The following PDE8A variants were observed in gnomAD, a reference collection of about 807,000 sequenced individuals.
PDE8A encodes phosphodiesterase 8A, also known as high affinity cAMP-specific and IBMX-insensitive 3',5'-cyclic phosphodiesterase 8A.
PDE8A carries 59 observed loss-of-function variants against 105.0 expected under a neutral mutation model. That is an observed-to-expected ratio of 0.56 (90% CI 0.46 to 0.70). The LOEUF (loss-of-function observed/expected upper bound fraction) is 0.70. Among genes scored for constraint, PDE8A ranks in the 30% least tolerant of loss-of-function variants. The pLI is 0.00. For missense variants in PDE8A, 1,014 were observed against 1,045.9 expected, an observed-to-expected ratio of 0.97 and a Z score of 0.42; for synonymous variants, 355 against 371.9, an observed-to-expected ratio of 0.95 and a Z score of 0.52.
chr15:85,096,867 T>C (rs1026127821), intron 8 of PDE8A, among the ~76,000 whole-genome samples: 1 of 152,254 alleles, frequency 6.6e-6, no homozygotes, highest in African/African-American at 2.4e-5. Flanking sequence ...CCTTTGATTC[T>C]ATCGGAGTAT....
Position 85,139,003 on chromosome 15 carries a change from G to GTATC in PDE8A, c.*1102_*1105dup, listed in dbSNP as rs1236779742. On this transcript the variant is annotated 3_prime_UTR_variant, in exon 22 of 22. Transcript: ENST00000394553. ...TGCCAGAAATTTATAAAGAGGTTCT[G>GTATC]TATCTTCACACCTTGAATAAGCATA... 1.3e-5 allele frequency: 2 copies of GTATC among 152,156 alleles called. No individual in the cohort carries two copies. Among genetic ancestry groups the GTATC allele is most frequent in the African/African-American group, 4.8e-5 (2 of 41,540 alleles). The allele number at this position is 152,156 out of a possible 1,614,324, so 9.4% of individuals were successfully genotyped here.
intron 17 of PDE8A, among the ~76,000 whole-genome samples, chr15:85,119,483 A>AAAAAAAAAAAAAAAAAATT (rs2082148053): frequency 6.7e-6 from 1 of 149,472 alleles, no homozygotes. Flanking sequence ...AAAAAAAAAC[A>AAAAAAAAAAAAAAAAAATT]TTTATTGAAA....
intron 8 of PDE8A, among the ~76,000 whole-genome samples, chr15:85,091,901 C>CTTTTTTTTTTTTTTT (rs563631633): frequency 2.8e-4 from 25 of 88,388 alleles, no homozygotes; most frequent in Non-Finnish European, 4.1e-4. Flanking sequence ...TTCTGCTGGA[C>CTTTTTTTTTTTTTTT]TTTTTTTTTT....
chr15:85,102,256 C>T (rs558395671), intron 11 of PDE8A, among the ~76,000 whole-genome samples: 40 of 152,100 alleles, frequency 2.6e-4, no homozygotes, highest in Non-Finnish European at 5.1e-4. Flanking sequence ...AAGCTGAAGG[C>T]GGGGAGAACG....
intron 16 of PDE8A, 58 bp downstream of exon 16, chr15:85,116,177 A>G: frequency 1.3e-6 from 2 of 1,554,658 alleles, no homozygotes; most frequent in Non-Finnish European, 1.8e-6. Context: ...CTGTGTGAGG[A>G]GGCTACCTGA....
chr15:85,014,548 C>G (rs1473942108), intron 1 of PDE8A, among the ~76,000 whole-genome samples: 1 of 152,106 alleles, frequency 6.6e-6, no homozygotes, highest in Non-Finnish European at 1.5e-5. Context: ...CAAAGGGGAC[C>G]TGTTAAATGT....
chr15:85,087,294 T>C (rs1288657055), intron 6 of PDE8A, among the ~76,000 whole-genome samples: 1 of 152,140 alleles, frequency 6.6e-6, no homozygotes, highest in East Asian at 1.9e-4. Flanking sequence ...CCTTGACCTC[T>C]TGGGCTCAAG....
At chr15:85,088,286 A>G (rs745429551) in intron 6 of PDE8A, among the ~76,000 whole-genome samples, 2 of 152,156 alleles carry the variant, frequency 1.3e-5, no homozygotes, top group Non-Finnish European at 2.9e-5. Flanking sequence ...CAGCCTCCCA[A>G]AGTGTTGGGA....
At chr15:85,054,374 G>C (rs2081026614) in intron 1 of PDE8A, among the ~76,000 whole-genome samples, 1 of 152,148 alleles carries the variant, frequency 6.6e-6, no homozygotes, top group African/African-American at 2.4e-5. Flanking sequence ...CTATTGATCG[G>C]AATAGTTTCA....
intron 15 of PDE8A, 27 bp downstream of exon 15, chr15:85,115,514 G>T: frequency 1.6e-6 from 2 of 1,228,946 alleles, no homozygotes; most frequent in Admixed American, 2.4e-5. Context: ...TAATTTCTTA[G>T]ATCACTGTCT....
chr15:85,028,241 T>G (rs2080551265), intron 1 of PDE8A, among the ~76,000 whole-genome samples: 1 of 152,072 alleles, frequency 6.6e-6, no homozygotes, highest in Non-Finnish European at 1.5e-5. Context: ...AGAGACAGAG[T>G]CTTGCTCTTA....
chr15:85,099,155 C>T (rs967387563), intron 9 of PDE8A, among the ~76,000 whole-genome samples: 9 of 152,186 alleles, frequency 5.9e-5, no homozygotes, highest in Non-Finnish European at 5.9e-5. Context: ...GGCCAGTTCT[C>T]AATGTGTGGT....
intron 1 of PDE8A, among the ~76,000 whole-genome samples, chr15:85,038,801 T>TA (rs1308256749): frequency 2.6e-5 from 4 of 152,198 alleles, no homozygotes; most frequent in Non-Finnish European, 5.9e-5. Flanking sequence ...TATCACCTCA[T>TA]ACCTTTGGAT....
At position 85,064,393 on chromosome 15, in the gene PDE8A, T is replaced by G; in HGVS notation, c.210T>G (p.Phe70Leu). The G allele has an allele frequency of 6.2e-7, 1 of 1,610,796 alleles. No individual in the cohort carries two copies. The highest frequency in any genetic ancestry group is 8.5e-7 in the Non-Finnish European group (1 of 1,177,146). Residue 70 changes from phenylalanine to leucine, a missense_variant, in exon 2 of 22, where the codon TTT (phenylalanine) becomes TTG (leucine). By Grantham distance (22) the Phe-to-Leu change is conservative (BLOSUM62 0). Coordinates refer to ENST00000394553, the MANE Select transcript of PDE8A (RefSeq NM_002605.3). ...GKKVAVADVQFGPMRFHQDQL... is the reference protein window; with the variant it reads ...GKKVAVADVQLGPMRFHQDQL... ...AGGTAGCAGTAGCTGATGTGCAGTT[T>G]GGCCCCATGAGATTTCATCAAGATC...
chr15:85,099,080 CAG>C (rs2081811487), intron 9 of PDE8A, among the ~76,000 whole-genome samples: 2 of 152,176 alleles, frequency 1.3e-5, no homozygotes, highest in South Asian at 4.1e-4. Context: ...GAAAAAAGAA[CAG>C]GAGAAAGTAT....
intron 1 of PDE8A, among the ~76,000 whole-genome samples, chr15:85,047,280 C>T (rs1311247071): frequency 6.6e-6 from 1 of 152,136 alleles, no homozygotes; most frequent in African/African-American, 2.4e-5. Flanking sequence ...TACAAGAATT[C>T]CAGAAGTTCC....
At chr15:85,129,832 A>G (rs1380500855) in intron 20 of PDE8A, among the ~76,000 whole-genome samples, 1 of 151,856 alleles carries the variant, frequency 6.6e-6, no homozygotes, top group African/African-American at 2.4e-5. Flanking sequence ...CCCCCTTATC[A>G]CTGTTTTTGC....
At chr15:85,047,655 TAAATC>T (rs1221475479) in intron 1 of PDE8A, among the ~76,000 whole-genome samples, 2 of 152,226 alleles carry the variant, frequency 1.3e-5, no homozygotes, top group Non-Finnish European at 2.9e-5. Flanking sequence ...TTTCTTAAAA[TAAATC>T]CAAAGGTGAG....
At chr15:85,066,067 T>TCAAA (rs2081220562) in intron 2 of PDE8A, among the ~76,000 whole-genome samples, 1 of 152,184 alleles carries the variant, frequency 6.6e-6, no homozygotes, top group Non-Finnish European at 1.5e-5. Context: ...AAATCTTGAG[T>TCAAA]CAAACATTTC....
Sources: gnomAD v4.1 joint callset for allele counts (sites outside exome capture counted in the v4.1 genomes callset) on GRCh38, gnomAD v4.1.1 for gene constraint, MANE v1.5 for transcripts, NCBI Gene and HGNC (gene_info 2026-07-23, HGNC 2026-07-21) for gene names.